Variants in EIF2B3 observed in about 807,000 individuals in gnomAD.
EIF2B3 encodes eukaryotic translation initiation factor 2B subunit gamma.
EIF2B3 carries 20 observed loss-of-function variants against 54.1 expected under a neutral mutation model. The observed-to-expected ratio is 0.37, with a 90% confidence interval of 0.26 to 0.54. EIF2B3 has a LOEUF of 0.54. EIF2B3 is among the 20% of genes least tolerant of loss of function. The pLI, the probability that EIF2B3 is intolerant of heterozygous loss-of-function variation, is 0.86. For missense variants in EIF2B3, 448 were observed against 547.8 expected (o/e 0.82, Z 1.82); for synonymous variants, 153 against 188.1 (o/e 0.81, Z 1.52).
chr1:44,976,072 C>T (rs138597340), intron 3 of EIF2B3, among the ~76,000 whole-genome samples: 66 of 152,064 alleles, frequency 4.3e-4, no homozygotes, highest in Middle Eastern at 3.4e-3. Context: ...TTTCTTAGGC[C>T]GGACACAAAA....
At chr1:44,896,814 T>C (rs1655988105) in intron 6 of EIF2B3, among the ~76,000 whole-genome samples, 1 of 152,188 alleles carries the variant, frequency 6.6e-6, no homozygotes, top group Non-Finnish European at 1.5e-5. Flanking sequence ...AGTCCTACAA[T>C]TCTGTTCTAA....
At chr1:44,962,204 A>ACATCATCAT (rs113470749) in intron 3 of EIF2B3, among the ~76,000 whole-genome samples, 10,302 of 146,230 alleles carry the variant, frequency 0.07, 463 homozygotes, top group East Asian at 0.11. Context: ...ATCATCATCA[A>ACATCATCAT]CATCATCATC....
Position 44,947,865 on chromosome 1 carries a change from TTTTTC to T in EIF2B3, c.295-6205_295-6201del, listed in dbSNP as rs368925236. Among the ~76,000 whole-genome samples the T allele has an allele frequency of 2.6e-5, 4 of 152,128 alleles. No individual in the cohort carries two copies. In the South Asian group the frequency reaches 6.2e-4, roughly 24 times the overall value. On this transcript the variant is annotated intron_variant, in intron 3 of 11. Coordinates refer to ENST00000360403, the MANE Select transcript of EIF2B3 (RefSeq NM_020365.5). ...AAATCCCCAAGAGTAGTTTGTGTGC[TTTTTC>T]TTTTCTTTTCTTTTTTTTTAGACAA...
chr1:44,896,538 T>A (rs1466794285), intron 6 of EIF2B3, among the ~76,000 whole-genome samples: 1 of 152,230 alleles, frequency 6.6e-6, no homozygotes. Context: ...CGGAGATACC[T>A]CTTGCTACTG....
chr1:44,984,983 T>C (rs912203271), intron 1 of EIF2B3, among the ~76,000 whole-genome samples: 4 of 150,478 alleles, frequency 2.7e-5, no homozygotes, highest in African/African-American at 9.8e-5. Context: ...ATTTTTTGTA[T>C]TTTTAGTAGA....
chr1:44,912,512 T>C (rs1260969785), intron 5 of EIF2B3, among the ~76,000 whole-genome samples: 1 of 152,198 alleles, frequency 6.6e-6, no homozygotes, highest in African/African-American at 2.4e-5. Context: ...CTCAGCCTTA[T>C]CTCCTCAAGT....
At chr1:44,926,117 A>G (rs1345867147) in intron 5 of EIF2B3, among the ~76,000 whole-genome samples, 2 of 146,628 alleles carry the variant, frequency 1.4e-5, no homozygotes, top group African/African-American at 2.5e-5. Context: ...AATCCCAGCT[A>G]CTCAGGAGGC....
intron 8 of EIF2B3, among the ~76,000 whole-genome samples, chr1:44,877,093 G>C (rs892896440): frequency 6.9e-6 from 1 of 145,954 alleles, no homozygotes; most frequent in African/African-American, 2.6e-5. Context: ...AGGAAAACCA[G>C]AGACCTTTGT....
chr1:44,960,629 C>A (rs428928), intron 3 of EIF2B3, among the ~76,000 whole-genome samples: 1 of 151,854 alleles, frequency 6.6e-6, no homozygotes, highest in Non-Finnish European at 1.5e-5. Context: ...CACAGCGAGA[C>A]CCCGTCTCAA....
At chr1:44,876,785 C>T (rs1056276920) in intron 8 of EIF2B3, among the ~76,000 whole-genome samples, 218 of 145,132 alleles carry the variant, frequency 1.5e-3, no homozygotes, top group Admixed American at 3.9e-3. Flanking sequence ...ATTGAGAAAT[C>T]GGATGGTTGC....
chr1:44,869,597 T>G (rs1418425665), intron 10 of EIF2B3, among the ~76,000 whole-genome samples: 1 of 115,668 alleles, frequency 8.6e-6, no homozygotes, highest in African/African-American at 3.3e-5. Context: ...TAAGGCCTTT[T>G]TTTTTTTTTT....
At chr1:44,871,036 T>G (rs1321592613) in intron 10 of EIF2B3, among the ~76,000 whole-genome samples, 1 of 152,176 alleles carries the variant, frequency 6.6e-6, no homozygotes, top group Non-Finnish European at 1.5e-5. Flanking sequence ...GATCAAGGCC[T>G]CCTGTACGTC....
intron 6 of EIF2B3, among the ~76,000 whole-genome samples, chr1:44,897,022 A>C (rs1230422089): frequency 2.0e-5 from 3 of 152,220 alleles, no homozygotes; most frequent in African/African-American, 7.2e-5. Context: ...AAACAGCATA[A>C]GGGCTGTGGA....
chr1:44,860,393 C>T, intron 10 of EIF2B3, among the ~76,000 whole-genome samples: 1 of 152,064 alleles, frequency 6.6e-6, no homozygotes, highest in Non-Finnish European at 1.5e-5. Flanking sequence ...AGTGTCCTGG[C>T]CCCCCATCAA....
intron 4 of EIF2B3, among the ~76,000 whole-genome samples, chr1:44,929,806 G>A (rs190863658): frequency 2.6e-4 from 40 of 152,246 alleles, no homozygotes; most frequent in African/African-American, 9.1e-4. Context: ...CAGCTATGTT[G>A]CACTTTAGTC....
intron 5 of EIF2B3, among the ~76,000 whole-genome samples, chr1:44,912,105 A>C (rs1203297472): frequency 6.6e-6 from 1 of 151,730 alleles, no homozygotes; most frequent in African/African-American, 2.4e-5. Flanking sequence ...CCAGTCTATC[A>C]TTGTTGGACA....
At chr1:44,859,930 G>A (rs950115743) in intron 10 of EIF2B3, among the ~76,000 whole-genome samples, 1 of 150,534 alleles carries the variant, frequency 6.6e-6, no homozygotes, top group Non-Finnish European at 1.5e-5. Flanking sequence ...CTCATTTTTT[G>A]TATTTTTAGT....
intron 10 of EIF2B3, among the ~76,000 whole-genome samples, chr1:44,870,963 T>C (rs1018890778): frequency 6.6e-6 from 1 of 152,202 alleles, no homozygotes; most frequent in Non-Finnish European, 1.5e-5. Context: ...TTACCACTTC[T>C]GTGCCTGCCA....
At chr1:44,922,576 G>C (rs1643769980) in intron 5 of EIF2B3, among the ~76,000 whole-genome samples, 1 of 121,874 alleles carries the variant, frequency 8.2e-6, no homozygotes, top group African/African-American at 3.3e-5. Context: ...TATAGAGCGA[G>C]ACTCTGTCTC....
Sources: allele counts gnomAD v4.1 joint callset (sites outside exome capture counted in the v4.1 genomes callset), GRCh38; gene constraint gnomAD v4.1.1; transcripts MANE v1.5; gene names NCBI Gene and HGNC (gene_info 2026-07-23, HGNC 2026-07-21).